Variants in G6PC2 observed in about 807,000 individuals in gnomAD.
The protein encoded by G6PC2 is glucose-6-phosphatase 2.
In G6PC2, 41 loss-of-function variants were observed where a neutral mutation model predicts 35.4. The observed-to-expected ratio is 1.16, with a 90% CI of 0.90 to 1.50. G6PC2 has a LOEUF of 1.50. Ranked by LOEUF, G6PC2 falls within the 40% of genes most tolerant of loss-of-function variation. The pLI is 0.00. For missense variants in G6PC2, 441 were observed against 426.5 expected (o/e 1.03, Z -0.30); for synonymous variants, 165 against 153.2 (o/e 1.08, Z -0.57).
chr2:168,907,873 T>C lies in G6PC2; in HGVS notation c.862T>C (p.Tyr288His), dbSNP rs781463613. Residue 288 changes from tyrosine (Y) to histidine (H), a missense_variant, in exon 5 of 5, where the codon TAC becomes CAC. Tyr to His is a moderately conservative substitution (Grantham distance 83). Transcript: ENST00000375363. Reference sequence around the variant, plus strand: ...CCTGAGCTGCCGAGGGGGAAATAACTACACACTGAGCTTCCGGTTGCTCTG... The same window carrying C: ...CCTGAGCTGCCGAGGGGGAAATAACCACACACTGAGCTTCCGGTTGCTCTG... ...FLLSCRGGNN[Y>H]TLSFRLLCAL... 1.2e-6 allele frequency: 2 copies of C among 1,613,828 alleles called. No homozygotes were observed. The highest frequency in any genetic ancestry group is 1.7e-6 in the Non-Finnish European group (2 of 1,179,728).
In G6PC2 at chr2:168,908,002, A is replaced by G; in HGVS notation, c.991A>G (p.Ile331Val). The G allele has an allele frequency of 1.2e-6, 2 of 1,613,196 alleles. No individual in the cohort carries two copies. Among genetic ancestry groups the G allele is most frequent in the Non-Finnish European group, 1.7e-6 (2 of 1,179,206 alleles). The change falls in exon 5 of 5, where the codon ATT (isoleucine) becomes GTT (valine). Residue 331 changes from isoleucine to valine, a missense_variant. Coordinates refer to ENST00000375363, the MANE Select transcript of G6PC2 (RefSeq NM_021176.3). ...GCTGTCTTTTTGTAAAAGTGCATCC[A>G]TTCCCCTAACTGTGGTTGCTTTCAT... is the stretch of plus-strand genomic sequence containing the variant. ...YVLSFCKSAS[I>V]PLTVVAFIPY...
intron 4 of G6PC2, 42 bp from the exon 5 acceptor site, chr2:168,907,526 A>G: frequency 6.3e-7 from 1 of 1,595,064 alleles, no homozygotes; most frequent in East Asian, 2.2e-5. Flanking sequence ...CGAGGGGCTC[A>G]AGGGCACACA....
rs143670077 is a variant in G6PC2, at chr2:168,901,390, G to C, written c.59G>C (p.Arg20Pro). 1.2e-6 allele frequency: 2 copies of C among 1,604,920 alleles called. No individual in the cohort carries two copies. The highest frequency in any genetic ancestry group is 2.2e-5 in the South Asian group (2 of 90,896). Residue 20 changes from arginine to proline, a missense_variant, in exon 1 of 5, where the codon CGA becomes CCA. Coordinates refer to ENST00000375363, the MANE Select transcript of G6PC2 (RefSeq NM_021176.3). The part of the protein sequence containing the change: ...LIIQHLQKDY[R>P]AYYTFLNFMS... ...ATTCAGCATTTGCAGAAGGACTACC[G>C]AGCTTACTACACTTTTCTAAATTTT...
chr2:168,907,870 AACTACAC>A lies in G6PC2; in HGVS notation c.863_869del (p.Tyr288Ter). ...CCTCCTGAGCTGCCGAGGGGGAAAT[AACTACAC>A]ACTGAGCTTCCGGTTGCTCTGTGCC... On this transcript the variant is annotated frameshift_variant, in exon 5 of 5. Coordinates refer to ENST00000375363, the MANE Select transcript of G6PC2 (RefSeq NM_021176.3). LOFTEE classifies it high-confidence loss of function. The A allele has an allele frequency of 1.2e-6, 2 of 1,614,000 alleles. No homozygotes were observed. Among genetic ancestry groups the A allele is most frequent in the South Asian group, 2.2e-5 (2 of 91,072 alleles).
Position 168,908,372 on chromosome 2 carries a change from C to G in G6PC2, c.*293C>G. The G allele has an allele frequency of 2.1e-6, 1 of 476,986 alleles. No individual in the cohort carries two copies. The highest frequency in any genetic ancestry group is 3.8e-6 in the Non-Finnish European group (1 of 262,616). 29.5% of individuals were successfully genotyped at this position (476,986 alleles called of 1,614,324 possible). On this transcript the variant is annotated 3_prime_UTR_variant, in exon 5 of 5. Coordinates refer to ENST00000375363, the MANE Select transcript of G6PC2 (RefSeq NM_021176.3). ...AGCCTGCATCCCCAGCTGGAGACAA[C>G]TGACCAGAGCTGCATACTAACAGTC...
At chr2:168,904,253 T>C (rs961710575) in intron 2 of G6PC2, among the ~76,000 whole-genome samples, 1 of 152,130 alleles carries the variant, frequency 6.6e-6, no homozygotes, top group South Asian at 2.1e-4. Flanking sequence ...TAATTAGCCT[T>C]GAGTATATTG....
chr2:168,905,552 A>T (rs1356184813), intron 3 of G6PC2, among the ~76,000 whole-genome samples: 2 of 152,182 alleles, frequency 1.3e-5, no homozygotes, highest in Non-Finnish European at 2.9e-5. Flanking sequence ...CAACAACATA[A>T]AAAGGTGCTA....
In G6PC2 at chr2:168,901,371, C is replaced by A. The variant is rs746671578; in HGVS notation, c.40C>A (p.His14Asn). 5 of 1,604,628 alleles carry A rather than the reference C, an allele frequency of 3.1e-6. No individual in the cohort carries two copies. The highest frequency in any genetic ancestry group is 3.3e-5 in the Admixed American group (2 of 60,000). ...LHRNGVLIIQHLQKDYRAYYT... is the reference protein window; with the variant it reads ...LHRNGVLIIQNLQKDYRAYYT... ...CAGGAATGGAGTGCTCATAATTCAGCATTTGCAGAAGGACTACCGAGCTTA... is the reference window on the plus strand; with the variant it reads ...CAGGAATGGAGTGCTCATAATTCAGAATTTGCAGAAGGACTACCGAGCTTA... The change falls in exon 1 of 5, where the codon CAT becomes AAT. Residue 14 changes from histidine (H) to asparagine (N), a missense_variant. By Grantham distance (68) the His-to-Asn change is moderately conservative. Transcript: ENST00000375363.
chr2:168,907,855 T>C lies in G6PC2; in HGVS notation c.844T>C (p.Cys282Arg). Residue 282 changes from cysteine (C) to arginine (R), a missense_variant, in exon 5 of 5, where the codon TGC becomes CGC. Coordinates refer to ENST00000375363, the MANE Select transcript of G6PC2 (RefSeq NM_021176.3). ...CAACTCAGAGATGTTCCTCCTGAGC[T>C]GCCGAGGGGGAAATAACTACACACT... ...AINSEMFLLS[C>R]RGGNNYTLSF... is the part of the protein sequence containing the mutation. 1 of 1,614,062 alleles carries C rather than the reference T, an allele frequency of 6.2e-7. No individual in the cohort carries two copies. Among genetic ancestry groups the C allele is most frequent in the South Asian group, 1.1e-5 (1 of 91,070 alleles).
intron 3 of G6PC2, among the ~76,000 whole-genome samples, 190 bp downstream of exon 3, chr2:168,904,806 C>G (rs888006195): frequency 2.0e-5 from 3 of 152,180 alleles, no homozygotes; most frequent in Non-Finnish European, 2.9e-5. Context: ...CTAATTAGCT[C>G]ATAGCTATTT....
intron 3 of G6PC2, among the ~76,000 whole-genome samples, chr2:168,905,172 T>C (rs1690682756): frequency 6.6e-6 from 1 of 152,222 alleles, no homozygotes; most frequent in Admixed American, 6.5e-5. Flanking sequence ...TTAATGTTAG[T>C]AGGTTTCTTA....
chr2:168,901,891 C>G (rs553231263), intron 1 of G6PC2, among the ~76,000 whole-genome samples: 1 of 152,194 alleles, frequency 6.6e-6, no homozygotes, highest in African/African-American at 2.4e-5. Flanking sequence ...CATGTGCCAC[C>G]ACACCCAGCT....
chr2:168,905,016 A>T (rs748396232), intron 3 of G6PC2, among the ~76,000 whole-genome samples: 1 of 152,240 alleles, frequency 6.6e-6, no homozygotes, highest in Non-Finnish European at 1.5e-5. Flanking sequence ...CCTTGACTGC[A>T]TCAGTTTATT....
rs973683318 is a variant in G6PC2, at chr2:168,907,627, A to C, written c.616A>C (p.Thr206Pro). ...TPGIQTASLG[T>P]YLKTNLFLFL... The stretch of plus-strand genomic sequence containing the variant: ...AGGCATCCAAACGGCCAGTCTGGGC[A>C]CATACCTGAAGACCAACCTCTTTCT... The change falls in exon 5 of 5, where the codon ACA becomes CCA. Residue 206 changes from threonine (T) to proline (P), a missense_variant. Transcript: ENST00000375363. 5 of 1,613,740 alleles carry C rather than the reference A, an allele frequency of 3.1e-6. No homozygotes were observed. The Admixed American group carries it at 5.0e-5, about 16-fold the overall frequency.
At chr2:168,905,911 A>G (rs1412801639) in intron 3 of G6PC2, among the ~76,000 whole-genome samples, 1 of 151,452 alleles carries the variant, frequency 6.6e-6, no homozygotes, top group Non-Finnish European at 1.5e-5. Flanking sequence ...TCAGGAACAA[A>G]CCATTCAAGG....
chr2:168,901,737 GTT>G lies in G6PC2; in HGVS notation c.218+203_218+204del, dbSNP rs34174689. On this transcript the variant is annotated intron_variant, in intron 1 of 4. Coordinates refer to ENST00000375363, the MANE Select transcript of G6PC2 (RefSeq NM_021176.3). ...CACAGAAATGTATATATATGTTTTT[GTT>G]TTTTTTTTTTTTTTGAGACAGAGTT... 5.0e-3 allele frequency among the ~76,000 whole-genome samples: 657 copies of G among 130,434 alleles called. 3 individuals are homozygous for G. The highest frequency in any genetic ancestry group is 0.016 in the African/African-American group (573 of 35,488). The allele number at this position is 130,434 out of a possible 152,430, so 85.6% of individuals were successfully genotyped here. A position where few individuals can be genotyped will look rare whatever the true frequency, so the allele number is the denominator to read the frequency against.
At chr2:168,906,882 A>G (rs1412976369) in intron 4 of G6PC2, 103 bp downstream of exon 4, 11 of 771,816 alleles carry the variant, frequency 1.4e-5, no homozygotes, top group Non-Finnish European at 2.4e-5. Context: ...CCAATTTCAG[A>G]GGTAATTCTG....
At chr2:168,904,680 CT>C in intron 3 of G6PC2, 64 bp downstream of exon 3, 1 of 903,500 alleles carries the variant, frequency 1.1e-6, no homozygotes, top group Non-Finnish European at 1.9e-6. Flanking sequence ...AAAGTCTTGT[CT>C]AAAAATTAAT....
Position 168,907,854 on chromosome 2 carries a change from C to T in G6PC2, c.843C>T (p.Ser281=). The change falls in exon 5 of 5, where the codon AGC becomes AGT. Residue 281 remains serine (S), a synonymous_variant. Transcript: ENST00000375363. ...FAINSEMFLL[S]CRGGNNYTLS... is the part of the protein sequence containing the mutation. ...TCAACTCAGAGATGTTCCTCCTGAG[C>T]TGCCGAGGGGGAAATAACTACACAC... The T allele has an allele frequency of 3.1e-6, 5 of 1,613,992 alleles. No individual in the cohort carries two copies. The highest frequency in any genetic ancestry group is 4.2e-6 in the Non-Finnish European group (5 of 1,179,874).
Sources: allele counts gnomAD v4.1 joint callset (sites outside exome capture counted in the v4.1 genomes callset), GRCh38; gene constraint gnomAD v4.1.1; transcripts MANE v1.5; gene names NCBI Gene and HGNC (gene_info 2026-07-23, HGNC 2026-07-21).